The following ST8SIA1 variants were observed in gnomAD, a reference collection of about 807,000 sequenced individuals.
ST8SIA1 encodes ST8 alpha-N-acetyl-neuraminide alpha-2,8-sialyltransferase 1, also known as alpha-N-acetylneuraminide alpha-2,8-sialyltransferase.
In ST8SIA1, 16 loss-of-function variants were observed where a neutral mutation model predicts 35.9. That is an observed-to-expected ratio of 0.45 (90% CI 0.30 to 0.68). The LOEUF (loss-of-function observed/expected upper bound fraction) is 0.68. ST8SIA1 is among the 30% of genes least tolerant of loss of function. ST8SIA1 has a pLI of 0.09. For missense variants in ST8SIA1, 383 were observed against 453.6 expected, an observed-to-expected ratio of 0.84 and a Z score of 1.41; for synonymous variants, 170 against 169.6, an observed-to-expected ratio of 1.00 and a Z score of -0.02.
chr12:22,281,973 C>T (rs1866042801), intron 2 of ST8SIA1, among the ~76,000 whole-genome samples: 1 of 151,892 alleles, frequency 6.6e-6, no homozygotes, highest in Non-Finnish European at 1.5e-5. Context: ...CGTGCCACTG[C>T]ATTTTTAGTT....
chr12:22,220,210 C>T (rs1043286243), intron 4 of ST8SIA1, among the ~76,000 whole-genome samples: 1 of 152,162 alleles, frequency 6.6e-6, no homozygotes, highest in East Asian at 1.9e-4. Context: ...CATGATGAGA[C>T]ACGAGCACTC....
In ST8SIA1 at chr12:22,212,813, A is replaced by G. The variant is rs574690308; in HGVS notation, c.585-10775T>C. Among the ~76,000 whole-genome samples the G allele has an allele frequency of 4.6e-5, 7 of 152,278 alleles. No homozygotes were observed. The East Asian group carries it at 1.4e-3, about 29-fold the overall frequency. On this transcript the variant is annotated intron_variant, in intron 4 of 4. Coordinates refer to ENST00000396037, the MANE Select transcript of ST8SIA1 (RefSeq NM_003034.4). ...TTTGTAAGACTACAGTGGGGCCTCAATTCTGCTAAGAGGTAGGCATAGTTA... is the reference window on the plus strand; with the variant it reads ...TTTGTAAGACTACAGTGGGGCCTCAGTTCTGCTAAGAGGTAGGCATAGTTA...
chr12:22,303,531 T>C (rs572777216), intron 1 of ST8SIA1, among the ~76,000 whole-genome samples: 1 of 152,200 alleles, frequency 6.6e-6, no homozygotes, highest in African/African-American at 2.4e-5. Flanking sequence ...TCGGGGTTTG[T>C]TTTTGGCTAA....
chr12:22,327,917 C>G (rs1866702816), intron 1 of ST8SIA1, among the ~76,000 whole-genome samples: 1 of 152,162 alleles, frequency 6.6e-6, no homozygotes, highest in Non-Finnish European at 1.5e-5. Context: ...ATTACGCATA[C>G]TTTCAAGGTT....
At chr12:22,288,256 C>T (rs949862821) in intron 1 of ST8SIA1, among the ~76,000 whole-genome samples, 1 of 152,148 alleles carries the variant, frequency 6.6e-6, no homozygotes, top group African/African-American at 2.4e-5. Context: ...ATGACCTCAC[C>T]CAGAAACGCT....
At chr12:22,212,702 A>T (rs1865188018) in intron 4 of ST8SIA1, among the ~76,000 whole-genome samples, 1 of 152,210 alleles carries the variant, frequency 6.6e-6, no homozygotes, top group Non-Finnish European at 1.5e-5. Context: ...AGCTAACTAT[A>T]GGAAGAATTT....
In ST8SIA1 at chr12:22,200,249, G is replaced by A. The variant is rs4762737; in HGVS notation, c.*1303C>T. On this transcript the variant is annotated 3_prime_UTR_variant, in exon 5 of 5. Transcript: ENST00000396037. The stretch of plus-strand genomic sequence containing the variant: ...TTGTGCTGCTATGGGTATTATGTGC[G>A]GCAACCAGTGAGCTCGGTTGTCTTA... 117,559 of 152,028 alleles carry A rather than the reference G, an allele frequency of 0.77. 45,659 individuals are homozygous for A. The highest frequency in any genetic ancestry group is 0.93 in the South Asian group (4,487 of 4,818). 9.4% of individuals were successfully genotyped at this position (152,028 alleles called of 1,614,324 possible). A position where few individuals can be genotyped will look rare whatever the true frequency, so the allele number is the denominator to read the frequency against.
chr12:22,245,867 T>C (rs927231459), intron 4 of ST8SIA1, among the ~76,000 whole-genome samples: 4 of 152,114 alleles, frequency 2.6e-5, no homozygotes, highest in African/African-American at 9.7e-5. Flanking sequence ...GAAGCCTCCA[T>C]AAAAACCTGA....
Position 22,334,481 on chromosome 12 carries a change from T to G in ST8SIA1, c.-249A>C. 3 of 543,414 alleles carry G rather than the reference T, an allele frequency of 5.5e-6. No homozygotes were observed. The highest frequency in any genetic ancestry group is 3.3e-6 in the Non-Finnish European group (1 of 303,658). 33.7% of individuals were successfully genotyped at this position (543,414 alleles called of 1,614,324 possible). The stretch of plus-strand genomic sequence containing the variant: ...GGGGTGAAGTCACGATCTATGGCCA[T>G]GGTCGCTTCCCCTGCAGAAGGCGGG... On this transcript the variant is annotated 5_prime_UTR_variant, in exon 1 of 5. The change abolishes an upstream ATG in the 5' untranslated region. Transcript: ENST00000396037.
intron 1 of ST8SIA1, among the ~76,000 whole-genome samples, chr12:22,288,928 C>T (rs1866140369): frequency 6.6e-6 from 1 of 152,082 alleles, no homozygotes; most frequent in Non-Finnish European, 1.5e-5. Flanking sequence ...CAGGGTCTCA[C>T]TCTATTGCCC....
At chr12:22,326,795 C>T (rs1475944488) in intron 1 of ST8SIA1, among the ~76,000 whole-genome samples, 2 of 152,076 alleles carry the variant, frequency 1.3e-5, no homozygotes, top group East Asian at 1.9e-4. Context: ...GTAACTTGCC[C>T]AAGGTCACAC....
rs75182025 is a variant in ST8SIA1 at position 22,320,719 on chromosome 12, C to T, written c.236+13278G>A. ...TAAAAATTTGCTGGGCCTACAGTCC[C>T]AGGTACTTGGGAGGCTGAGTCAGGA... On this transcript the variant is annotated intron_variant, in intron 1 of 4. Coordinates refer to ENST00000396037, the MANE Select transcript of ST8SIA1 (RefSeq NM_003034.4). Among the ~76,000 whole-genome samples, 1,278 of 151,566 alleles carry T rather than the reference C, an allele frequency of 8.4e-3. 9 individuals carry two copies. The highest frequency in any genetic ancestry group is 0.013 in the Non-Finnish European group (888 of 67,920).
At chr12:22,302,304 C>T (rs1321181233) in intron 1 of ST8SIA1, among the ~76,000 whole-genome samples, 1 of 152,094 alleles carries the variant, frequency 6.6e-6, no homozygotes, top group African/African-American at 2.4e-5. Context: ...TTTCTTAAAG[C>T]CCTGCTAACT....
Position 22,201,648 on chromosome 12 carries a change from G to C in ST8SIA1, c.975C>G (p.Pro325=). ...GATACCAGAGTTGGAGAAATTCCTC[G>C]GGCATGGCATGGAAGCCAGAAAAGG... ...VLPFSGFHAM[P]EEFLQLWYLH... Residue 325 remains proline (P), a synonymous_variant, in exon 5 of 5, where the codon CCC becomes CCG. Coordinates refer to ENST00000396037, the MANE Select transcript of ST8SIA1 (RefSeq NM_003034.4). 6.2e-7 allele frequency: 1 copy of C among 1,614,078 alleles called. No homozygotes were observed. Among genetic ancestry groups the C allele is most frequent in the South Asian group, 1.1e-5 (1 of 91,080 alleles).
chr12:22,245,286 A>G (rs1865587385), intron 4 of ST8SIA1, among the ~76,000 whole-genome samples: 1 of 152,212 alleles, frequency 6.6e-6, no homozygotes, highest in African/African-American at 2.4e-5. Context: ...ACATCTAATC[A>G]GGTTGTCTAA....
intron 3 of ST8SIA1, among the ~76,000 whole-genome samples, chr12:22,253,542 G>A (rs757382304): frequency 5.9e-5 from 9 of 152,110 alleles, no homozygotes; most frequent in African/African-American, 1.7e-4. Flanking sequence ...AGAAGCTCCC[G>A]TGTGTCTGAA....
chr12:22,234,649 T>G (rs1488995482), intron 4 of ST8SIA1, among the ~76,000 whole-genome samples: 1 of 152,240 alleles, frequency 6.6e-6, no homozygotes, highest in Non-Finnish European at 1.5e-5. Flanking sequence ...TTTTTGGAGA[T>G]ATTTTAAATG....
chr12:22,319,933 T>A (rs1405254082), intron 1 of ST8SIA1, among the ~76,000 whole-genome samples: 1 of 152,098 alleles, frequency 6.6e-6, no homozygotes, highest in Non-Finnish European at 1.5e-5. Flanking sequence ...AAGAAACAGT[T>A]CAAGACATTC....
intron 1 of ST8SIA1, among the ~76,000 whole-genome samples, chr12:22,319,778 G>C (rs1293058542): frequency 6.6e-6 from 1 of 152,180 alleles, no homozygotes; most frequent in Admixed American, 6.5e-5. Flanking sequence ...ATCAAAGTTG[G>C]GGGTACCTAG....
Sources: gnomAD v4.1 joint callset for allele counts (sites outside exome capture counted in the v4.1 genomes callset) on GRCh38, gnomAD v4.1.1 for gene constraint, MANE v1.5 for transcripts, NCBI Gene and HGNC (gene_info 2026-07-23, HGNC 2026-07-21) for gene names.